The following RNF168 variants were observed in gnomAD, a reference collection of about 807,000 sequenced individuals.
RNF168 encodes E3 ubiquitin-protein ligase RNF168.
A neutral mutation model predicts 34.9 loss-of-function variants in RNF168; 34 were observed. The ratio of observed to expected loss-of-function variants is 0.97; its 90% confidence interval spans 0.74 to 1.30. The LOEUF (loss-of-function observed/expected upper bound fraction) is 1.30. Among genes scored for constraint, RNF168 ranks in the 50% most tolerant of loss-of-function variants. The pLI, the probability that RNF168 is intolerant of heterozygous loss-of-function variation, is 0.00. For synonymous variants in RNF168, 264 were observed against 254.7 expected, an observed-to-expected ratio of 1.04 and a Z score of -0.35; for missense variants, 725 against 682.5, an observed-to-expected ratio of 1.06 and a Z score of -0.69.
rs140405833 is a variant in RNF168 at position 196,474,419 on chromosome 3, C to T, written c.762+812G>A. ...TGCTAGGATTACAGGCCTGAGCCAC[C>T]GTGCTTGGCCTCCCATCTTGTAATA... On this transcript the variant is annotated intron_variant, in intron 5 of 5. Coordinates refer to ENST00000318037, the MANE Select transcript of RNF168 (RefSeq NM_152617.4). 8.4e-4 allele frequency among the ~76,000 whole-genome samples: 127 copies of T among 151,126 alleles called. 1 individual carries two copies. Among genetic ancestry groups the T allele is most frequent in the Admixed American group, 2.2e-3 (33 of 15,116 alleles).
intron 1 of RNF168, among the ~76,000 whole-genome samples, chr3:196,491,468 G>A (rs1170933973): frequency 6.6e-6 from 1 of 152,020 alleles, no homozygotes; most frequent in Non-Finnish European, 1.5e-5. Flanking sequence ...GACCAACACG[G>A]TGAAACCCGT....
chr3:196,488,811 T>A (rs1732520242), intron 1 of RNF168, 128 bp from the exon 2 acceptor site: 1 of 475,974 alleles, frequency 2.1e-6, no homozygotes, highest in African/African-American at 2.1e-5. Context: ...CCTTTTGGAA[T>A]TCCATTTTTA....
chr3:196,501,166 G>C lies in RNF168; in HGVS notation c.301+1707C>G, dbSNP rs565254438. 1.4e-4 allele frequency among the ~76,000 whole-genome samples: 22 copies of C among 152,292 alleles called. No individual in the cohort carries two copies. In the South Asian group the frequency reaches 4.6e-3, roughly 32 times the overall value. On this transcript the variant is annotated intron_variant, in intron 1 of 5. Coordinates refer to ENST00000318037, the MANE Select transcript of RNF168 (RefSeq NM_152617.4). ...GTACAGCCACTGTAGAAATCAATGT[G>C]GCAGTTCCTCAAAAAGCTAAACACA... is the stretch of plus-strand genomic sequence containing the variant.
At chr3:196,495,247 G>A (rs775572969) in intron 1 of RNF168, among the ~76,000 whole-genome samples, 2 of 151,814 alleles carry the variant, frequency 1.3e-5, no homozygotes, top group African/African-American at 4.8e-5. Flanking sequence ...AAATCCTTAC[G>A]TGTCCACCTC....
rs537046526 is a variant in RNF168 at position 196,494,325 on chromosome 3, A to G, written c.302-5642T>C. Among the ~76,000 whole-genome samples the G allele has an allele frequency of 2.0e-4, 30 of 152,060 alleles. No individual in the cohort carries two copies. In the South Asian group the frequency reaches 6.0e-3, roughly 31 times the overall value. On this transcript the variant is annotated intron_variant, in intron 1 of 5. Coordinates refer to ENST00000318037, the MANE Select transcript of RNF168 (RefSeq NM_152617.4). ...CACTTCGGTTAAACATTCCTACTCT[A>G]CTCGATATTTTGCTTCTTCGCAGCA...
At chr3:196,492,936 A>G (rs1489015252) in intron 1 of RNF168, among the ~76,000 whole-genome samples, 5 of 152,092 alleles carry the variant, frequency 3.3e-5, no homozygotes, top group Non-Finnish European at 7.3e-5. Context: ...GGGAGTTAAG[A>G]TGCCTACCTC....
chr3:196,487,362 G>T, intron 3 of RNF168, 37 bp downstream of exon 3: 1 of 1,561,508 alleles, frequency 6.4e-7, no homozygotes, highest in Non-Finnish European at 8.8e-7. Flanking sequence ...GCATACCAAG[G>T]GATGACCATA....
chr3:196,497,769 A>G (rs1732781023), intron 1 of RNF168, among the ~76,000 whole-genome samples: 1 of 152,238 alleles, frequency 6.6e-6, no homozygotes, highest in Admixed American at 6.5e-5. Flanking sequence ...GCAATAAACT[A>G]TAAAAGGAAA....
chr3:196,493,302 T>C (rs1732640468), intron 1 of RNF168, among the ~76,000 whole-genome samples: 1 of 152,228 alleles, frequency 6.6e-6, no homozygotes, highest in Non-Finnish European at 1.5e-5. Flanking sequence ...TGAATCTAAA[T>C]TAAGATCAGT....
intron 5 of RNF168, chr3:196,474,696 C>T (rs1442079985): frequency 6.4e-6 from 1 of 156,950 alleles, no homozygotes; most frequent in Non-Finnish European, 1.4e-5. Context: ...AATCCACCTG[C>T]CTCAGTCTCC....
At chr3:196,501,615 GA>G (rs1187515276) in intron 1 of RNF168, among the ~76,000 whole-genome samples, 4 of 152,156 alleles carry the variant, frequency 2.6e-5, no homozygotes, top group African/African-American at 9.7e-5. Context: ...CTGGGGTGAT[GA>G]AAAGTTCTGG....
intron 1 of RNF168, among the ~76,000 whole-genome samples, chr3:196,501,696 G>C (rs1732890494): frequency 6.6e-6 from 1 of 152,122 alleles, no homozygotes; most frequent in African/African-American, 2.4e-5. Flanking sequence ...TGGTTAAAAT[G>C]TCAGTTTGTT....
intron 2 of RNF168, 85 bp downstream of exon 2, chr3:196,488,522 T>C (rs1732512385): frequency 2.5e-6 from 2 of 790,490 alleles, no homozygotes; most frequent in Admixed American, 2.2e-5. Context: ...ATACTAGTTA[T>C]ATAAGCACAA....
At chr3:196,479,161 C>T (rs1732225757) in intron 4 of RNF168, among the ~76,000 whole-genome samples, 1 of 151,394 alleles carries the variant, frequency 6.6e-6, no homozygotes, top group Admixed American at 6.6e-5. Flanking sequence ...TACAGGTGCT[C>T]GCCACCACAC....
chr3:196,475,172 C>A (rs2108645233), intron 5 of RNF168, 59 bp downstream of exon 5: 1 of 930,416 alleles, frequency 1.1e-6, no homozygotes. Flanking sequence ...CTATGGATAG[C>A]ACTAATCTAC....
chr3:196,479,168 A>G (rs1397817304), intron 4 of RNF168, among the ~76,000 whole-genome samples: 1 of 150,916 alleles, frequency 6.6e-6, no homozygotes, highest in African/African-American at 2.4e-5. Context: ...GCTCGCCACC[A>G]CACCCGGCTA....
intron 1 of RNF168, among the ~76,000 whole-genome samples, chr3:196,502,159 G>C (rs1348683528): frequency 1.3e-5 from 2 of 150,958 alleles, no homozygotes; most frequent in African/African-American, 2.4e-5. Flanking sequence ...GCTCACATTA[G>C]TGGAGGAAAG....
rs78813291 is a variant in RNF168, at chr3:196,500,275, C to A, written c.301+2598G>T. On this transcript the variant is annotated intron_variant, in intron 1 of 5. Transcript: ENST00000318037. ...AGCCAAGTGTCCACTGACAGAGGAA[C>A]AGATTTCTTTTAATGTAGCATATAC... Among the ~76,000 whole-genome samples, 130 of 152,276 alleles carry A rather than the reference C, an allele frequency of 8.5e-4. 1 individual carries two copies. The East Asian group carries it at 0.023, about 27-fold the overall frequency.
chr3:196,485,680 T>C (rs944043897), intron 3 of RNF168, among the ~76,000 whole-genome samples: 1 of 152,126 alleles, frequency 6.6e-6, no homozygotes, highest in African/African-American at 2.4e-5. Flanking sequence ...AAGGGGCATA[T>C]AACCCAAAAT....
Sources: gnomAD v4.1 joint callset for allele counts (sites outside exome capture counted in the v4.1 genomes callset) on GRCh38, gnomAD v4.1.1 for gene constraint, MANE v1.5 for transcripts, NCBI Gene and HGNC (gene_info 2026-07-23, HGNC 2026-07-21) for gene names.